The following WNT7B variants were observed in gnomAD, a reference collection of about 807,000 sequenced individuals.
WNT7B encodes the protein protein Wnt-7b.
A neutral mutation model predicts 38.2 loss-of-function variants in WNT7B; 19 were observed. The observed-to-expected ratio is 0.50, with a 90% CI of 0.35 to 0.73. WNT7B has a LOEUF of 0.73. Among genes scored for constraint, WNT7B ranks in the 30% least tolerant of loss-of-function variants. The pLI is 0.01. For synonymous variants in WNT7B, 243 were observed against 209.3 expected, an observed-to-expected ratio of 1.16 and a Z score of -1.39; for missense variants, 423 against 507.9, an observed-to-expected ratio of 0.83 and a Z score of 1.61.
rs151163077 is a variant in WNT7B at position 45,931,951 on chromosome 22, G to C, written c.299-582C>G. On this transcript the variant is annotated intron_variant, in intron 2 of 3. Coordinates refer to ENST00000339464, the MANE Select transcript of WNT7B (RefSeq NM_058238.3). ...AAGTCACACAGCTCAGAAGCTCTTT[G>C]TTGCCATCTCCCTCTTGGTCCACCC... is the stretch of plus-strand genomic sequence containing the variant. Among the ~76,000 whole-genome samples the C allele has an allele frequency of 1.8e-4, 27 of 152,270 alleles. No individual in the cohort carries two copies. In the East Asian group the frequency reaches 2.7e-3, roughly 15 times the overall value.
chr22:45,972,116 G>GGCCCCCCCCCCCCCCC, intron 1 of WNT7B: 1 of 530,736 alleles, frequency 1.9e-6, no homozygotes, highest in Non-Finnish European at 3.3e-6. Context: ...CCCGGGGGGA[G>GGCCCCCCCCCCCCCCC]CCCACCCGCC....
chr22:45,962,655 C>T (rs922547854), intron 1 of WNT7B, among the ~76,000 whole-genome samples: 3 of 152,264 alleles, frequency 2.0e-5, no homozygotes, highest in Admixed American at 1.3e-4. Context: ...TACTCTGGCC[C>T]TTCTCTTTGC....
At chr22:45,932,815 A>C (rs1222482862) in intron 2 of WNT7B, among the ~76,000 whole-genome samples, 1 of 152,190 alleles carries the variant, frequency 6.6e-6, no homozygotes, top group Admixed American at 6.5e-5. Context: ...AGCCCAGGAG[A>C]GGGCAGCTGG....
intron 2 of WNT7B, among the ~76,000 whole-genome samples, chr22:45,931,790 C>A (rs1312302651): frequency 2.0e-5 from 3 of 151,996 alleles, no homozygotes; most frequent in African/African-American, 7.2e-5. Context: ...CCTCTGCCAG[C>A]CTCCCAGGAG....
Position 45,976,954 on chromosome 22 carries a change from T to G in WNT7B, c.-200A>C. 9 of 988,036 alleles carry G rather than the reference T, an allele frequency of 9.1e-6. No individual in the cohort carries two copies. The highest frequency in any genetic ancestry group is 1.1e-5 in the Non-Finnish European group (9 of 832,286). The allele number at this position is 988,036 out of a possible 1,614,324, so 61.2% of individuals were successfully genotyped here. ...GGATGCCGCCGCCGCCACCGCCGCG[T>G]GAGCCCGGGGAATTGACCCAGGCTG... On this transcript the variant is annotated 5_prime_UTR_variant, in exon 1 of 4. Coordinates refer to ENST00000339464, the MANE Select transcript of WNT7B (RefSeq NM_058238.3). The surrounding 1 kb of genome is among the most constrained non-coding windows in gnomAD (Gnocchi z 8.5).
At chr22:45,955,966 G>C (rs1932050823) in intron 1 of WNT7B, among the ~76,000 whole-genome samples, 1 of 152,158 alleles carries the variant, frequency 6.6e-6, no homozygotes, top group South Asian at 2.1e-4. Flanking sequence ...GACGACCTTG[G>C]TCTTTGGCAG....
At position 45,976,294 on chromosome 22, in the gene WNT7B, G is replaced by A. The variant is rs1932549678; in HGVS notation, c.71+390C>T. 6.7e-6 allele frequency among the ~76,000 whole-genome samples: 1 copy of A among 148,484 alleles called. No homozygotes were observed. The highest frequency in any genetic ancestry group is 6.7e-5 in the Admixed American group (1 of 14,944). On this transcript the variant is annotated intron_variant, in intron 1 of 3. Coordinates refer to ENST00000339464, the MANE Select transcript of WNT7B (RefSeq NM_058238.3). This position sits in a 1 kb window ranked among gnomAD's most constrained non-coding sequence, Gnocchi z 8.5. The stretch of plus-strand genomic sequence containing the variant: ...CCGGACGCCCCCCGACCCCGCCCCG[G>A]CGCACCCTCCAGGCGGCGAGCGCTC...
chr22:45,952,282 G>C (rs975407807), intron 1 of WNT7B, among the ~76,000 whole-genome samples: 3 of 152,196 alleles, frequency 2.0e-5, no homozygotes, highest in African/African-American at 7.2e-5. Flanking sequence ...CAGCCAGCTG[G>C]AAAGTCCCCG....
At chr22:45,934,026 G>C (rs1931447946) in intron 2 of WNT7B, among the ~76,000 whole-genome samples, 1 of 152,240 alleles carries the variant, frequency 6.6e-6, no homozygotes, top group Admixed American at 6.5e-5. Context: ...CCACCCTCAG[G>C]GCTCTCCACA....
intron 3 of WNT7B, among the ~76,000 whole-genome samples, chr22:45,929,390 ATCCATCCT>A (rs889393867): frequency 2.6e-4 from 37 of 144,910 alleles, no homozygotes; most frequent in African/African-American, 7.3e-4. Context: ...CCACTCACCC[ATCCATCCT>A]TCCATCCACC....
rs114805257 is a variant in WNT7B at position 45,951,594 on chromosome 22, T to C, written c.72-1448A>G. Among the ~76,000 whole-genome samples, 756 of 152,312 alleles carry C rather than the reference T, an allele frequency of 5.0e-3. 9 individuals are homozygous for C. Among genetic ancestry groups the C allele is most frequent in the African/African-American group, 0.016 (673 of 41,552 alleles). The stretch of plus-strand genomic sequence containing the variant: ...ACCACCAGTCTGCTTTCTGTTCCCA[T>C]GGATTTGCCCATTCTGGATGTTTCC... On this transcript the variant is annotated intron_variant, in intron 1 of 3. Coordinates refer to ENST00000339464, the MANE Select transcript of WNT7B (RefSeq NM_058238.3). This position sits in a 1 kb window ranked among gnomAD's most constrained non-coding sequence, Gnocchi z 4.8.
In WNT7B at chr22:45,926,719, C is replaced by T. The variant is rs1275315861; in HGVS notation, c.571-3384G>A. The T allele has an allele frequency of 3.0e-6, 3 of 985,304 alleles. No individual in the cohort carries two copies. The African/African-American group carries it at 5.2e-5, about 17-fold the overall frequency. 61.0% of individuals were successfully genotyped at this position (985,304 alleles called of 1,614,324 possible). On this transcript the variant is annotated intron_variant, in intron 3 of 3. Coordinates refer to ENST00000339464, the MANE Select transcript of WNT7B (RefSeq NM_058238.3). ...GCCCCTAAGTAAGTGTGGCCCTGAC[C>T]TGTGAGCCCCTCAGGGACACAGCAC...
At position 45,923,339 on chromosome 22, in the gene WNT7B, C is replaced by G; in HGVS notation, c.571-4G>C. On this transcript the variant is annotated splice_region_variant and splice_polypyrimidine_tract_variant and intron_variant, in intron 3 of 3. Coordinates refer to ENST00000339464, the MANE Select transcript of WNT7B (RefSeq NM_058238.3). ...GCTGCATCCGGTCCTCTAGAACCTG[C>G]GGGTGACAGGGAAGCTGCTCGGCAC... 2 of 1,593,336 alleles carry G rather than the reference C, an allele frequency of 1.3e-6. No homozygotes were observed. The highest frequency in any genetic ancestry group is 1.7e-6 in the Non-Finnish European group (2 of 1,166,896).
chr22:45,940,710 G>A (rs1931624064), intron 2 of WNT7B, among the ~76,000 whole-genome samples: 1 of 152,242 alleles, frequency 6.6e-6, no homozygotes, highest in East Asian at 1.9e-4. Context: ...CCAGGGGTCA[G>A]AGCCACAGAG....
intron 2 of WNT7B, among the ~76,000 whole-genome samples, chr22:45,945,145 G>A (rs1349542443): frequency 1.3e-5 from 2 of 151,976 alleles, no homozygotes; most frequent in South Asian, 2.1e-4. Flanking sequence ...CTGCAGTGGC[G>A]TGATCTTGGC....
chr22:45,962,233 C>T (rs1569123803), intron 1 of WNT7B, among the ~76,000 whole-genome samples: 1 of 152,204 alleles, frequency 6.6e-6, no homozygotes. Context: ...CCATTGCACC[C>T]CTGGCCAACA....
At chr22:45,942,931 T>C (rs1482671768) in intron 2 of WNT7B, among the ~76,000 whole-genome samples, 2 of 143,800 alleles carry the variant, frequency 1.4e-5, no homozygotes, top group Non-Finnish European at 3.0e-5. Context: ...CGTGTGTGCA[T>C]GTGTGTAGGC....
chr22:45,976,980 G>T lies in WNT7B; in HGVS notation c.-226C>A. 22 of 987,018 alleles carry T rather than the reference G, an allele frequency of 2.2e-5. No homozygotes were observed. The highest frequency in any genetic ancestry group is 2.5e-5 in the Non-Finnish European group (21 of 831,470). 61.1% of individuals were successfully genotyped at this position (987,018 alleles called of 1,614,324 possible). ...GAGCCCGGGGAATTGACCCAGGCTG[G>T]GGGCCGCGACCTCGAAGCCCGGTTG... On this transcript the variant is annotated 5_prime_UTR_variant, in exon 1 of 4. Coordinates refer to ENST00000339464, the MANE Select transcript of WNT7B (RefSeq NM_058238.3). This position sits in a 1 kb window ranked among gnomAD's most constrained non-coding sequence, Gnocchi z 8.5.
At chr22:45,949,372 C>T (rs976610138) in intron 2 of WNT7B, among the ~76,000 whole-genome samples, 2 of 148,250 alleles carry the variant, frequency 1.3e-5, no homozygotes, top group African/African-American at 5.0e-5. Context: ...TCCCCGTGCT[C>T]CACGTGTCAT....
Sources: allele counts gnomAD v4.1 joint callset (sites outside exome capture counted in the v4.1 genomes callset), GRCh38; gene constraint gnomAD v4.1.1; non-coding constraint Gnocchi (gnomAD v3.1); transcripts MANE v1.5; gene names NCBI Gene and HGNC (gene_info 2026-07-23, HGNC 2026-07-21).